SMYD3: variants seen among roughly 807,000 people sequenced by gnomAD.
SMYD3 encodes histone-lysine N-methyltransferase SMYD3.
SMYD3 carries 36 observed loss-of-function variants against 57.7 expected under a neutral mutation model. That is an observed-to-expected ratio of 0.62 (90% CI 0.48 to 0.82). The LOEUF is 0.82. Among genes scored for constraint, SMYD3 ranks in the 40% least tolerant of loss-of-function variants. SMYD3 has a pLI of 0.00. For synonymous variants in SMYD3, 211 were observed against 195.0 expected (o/e 1.08, Z -0.68); for missense variants, 515 against 538.8 (o/e 0.96, Z 0.44).
intron 1 of SMYD3, among the ~76,000 whole-genome samples, chr1:246,400,981 T>G (rs539231268): frequency 2.3e-4 from 35 of 152,300 alleles, no homozygotes; most frequent in Non-Finnish European, 4.9e-4. Flanking sequence ...AATCTGAAGC[T>G]CATAAATCAA....
chr1:246,082,020 C>T (rs948412641), intron 5 of SMYD3, among the ~76,000 whole-genome samples: 4 of 152,216 alleles, frequency 2.6e-5, no homozygotes, highest in Admixed American at 6.5e-5. Context: ...AGGAATCTGG[C>T]GTGACTAACT....
At chr1:246,094,083 C>T (rs1408604885) in intron 5 of SMYD3, among the ~76,000 whole-genome samples, 1 of 152,166 alleles carries the variant, frequency 6.6e-6, no homozygotes, top group Non-Finnish European at 1.5e-5. Context: ...AGGAACACAG[C>T]TGTATTCTCA....
chr1:246,275,624 G>A (rs747612017), intron 5 of SMYD3, among the ~76,000 whole-genome samples: 2 of 139,092 alleles, frequency 1.4e-5, no homozygotes, highest in African/African-American at 2.6e-5. Flanking sequence ...TTCACTAGCC[G>A]TATTAACACT....
At chr1:246,273,716 C>A (rs916609020) in intron 5 of SMYD3, among the ~76,000 whole-genome samples, 1 of 151,040 alleles carries the variant, frequency 6.6e-6, no homozygotes, top group Non-Finnish European at 1.5e-5. Flanking sequence ...TCCTGAGTAG[C>A]TGGAATTACT....
At chr1:246,165,227 G>C (rs2062187251) in intron 5 of SMYD3, among the ~76,000 whole-genome samples, 1 of 152,152 alleles carries the variant, frequency 6.6e-6, no homozygotes, top group Non-Finnish European at 1.5e-5. Context: ...CTACAGCGGA[G>C]GTGACAAGAA....
At chr1:245,963,128 G>C (rs969272146) in intron 5 of SMYD3, among the ~76,000 whole-genome samples, 1 of 152,024 alleles carries the variant, frequency 6.6e-6, no homozygotes, top group Non-Finnish European at 1.5e-5. Context: ...CAAGTAAAAA[G>C]CTAAACAAAC....
chr1:245,833,830 ACT>A (rs2049975570), intron 10 of SMYD3, among the ~76,000 whole-genome samples: 1 of 152,064 alleles, frequency 6.6e-6, no homozygotes, highest in Admixed American at 6.6e-5. Flanking sequence ...AGCCAGACAC[ACT>A]CACTCTCAGG....
At chr1:246,125,081 A>C (rs1453609159) in intron 5 of SMYD3, among the ~76,000 whole-genome samples, 27,306 of 109,030 alleles carry the variant, frequency 0.25, 3,517 homozygotes, top group East Asian at 0.42. Context: ...CAAAAAAAAA[A>C]AAAAAAACAC....
At chr1:246,220,978 C>T (rs982875793) in intron 5 of SMYD3, among the ~76,000 whole-genome samples, 6 of 151,676 alleles carry the variant, frequency 4.0e-5, no homozygotes, top group Non-Finnish European at 2.9e-5. Context: ...CTCCTCTCTG[C>T]TGAGAGAACA....
At chr1:246,321,043 T>C (rs1385088265) in intron 5 of SMYD3, among the ~76,000 whole-genome samples, 1 of 152,210 alleles carries the variant, frequency 6.6e-6, no homozygotes, top group East Asian at 1.9e-4. Context: ...TTGGCAACAG[T>C]ACATGATTTC....
At chr1:246,332,351 G>C (rs1444679069) in intron 3 of SMYD3, among the ~76,000 whole-genome samples, 1 of 152,192 alleles carries the variant, frequency 6.6e-6, no homozygotes, top group Non-Finnish European at 1.5e-5. Flanking sequence ...GATCAAAACA[G>C]CCACAATATT....
At chr1:246,485,278 A>T (rs1273669832) in intron 1 of SMYD3, among the ~76,000 whole-genome samples, 1 of 152,232 alleles carries the variant, frequency 6.6e-6, no homozygotes. Flanking sequence ...CTACTGCACT[A>T]GTTACACCTG....
chr1:245,806,684 G>T (rs995345861), intron 10 of SMYD3, among the ~76,000 whole-genome samples: 9 of 152,002 alleles, frequency 5.9e-5, no homozygotes, highest in Non-Finnish European at 1.0e-4. Context: ...GCCGAGGCGG[G>T]TGGATCATGA....
At chr1:246,373,749 T>G (rs1177539311) in intron 1 of SMYD3, among the ~76,000 whole-genome samples, 2 of 152,230 alleles carry the variant, frequency 1.3e-5, no homozygotes, top group African/African-American at 4.8e-5. Context: ...TTCTTTGACT[T>G]ATATGAACTT....
rs747432461 is a variant in SMYD3 at position 246,355,142 on chromosome 1, T to C, written c.165-48A>G. Reference sequence around the variant, plus strand: ...TGCATTAAGAAATGAGTGGGAAACATAGTACATAGTTGAAGAAAGAAAACA... The same window carrying C: ...TGCATTAAGAAATGAGTGGGAAACACAGTACATAGTTGAAGAAAGAAAACA... On this transcript the variant is annotated intron_variant, in intron 1 of 11. Coordinates refer to ENST00000490107, the MANE Select transcript of SMYD3 (RefSeq NM_001167740.2). The surrounding 1 kb of genome is among the most constrained non-coding windows in gnomAD (Gnocchi z 5.0). 12 of 1,553,098 alleles carry C rather than the reference T, an allele frequency of 7.7e-6. No individual in the cohort carries two copies. The highest frequency in any genetic ancestry group is 1.1e-5 in the South Asian group (1 of 89,860).
chr1:246,436,680 T>A (rs373571433), intron 1 of SMYD3, among the ~76,000 whole-genome samples: 5 of 152,170 alleles, frequency 3.3e-5, no homozygotes, highest in African/African-American at 1.2e-4. Flanking sequence ...AAGGTAAAGA[T>A]GTATTTAGAT....
chr1:246,054,382 T>C (rs746892457), intron 5 of SMYD3, among the ~76,000 whole-genome samples: 1 of 152,204 alleles, frequency 6.6e-6, no homozygotes, highest in Non-Finnish European at 1.5e-5. Flanking sequence ...AAGTTAGATA[T>C]AATACTAACC....
chr1:246,241,230 G>T (rs1198136296), intron 5 of SMYD3, among the ~76,000 whole-genome samples: 2 of 152,164 alleles, frequency 1.3e-5, no homozygotes, highest in African/African-American at 2.4e-5. Context: ...CTGTGGGTTT[G>T]TCATAAACAG....
chr1:245,882,542 G>C (rs1022338620), intron 8 of SMYD3, among the ~76,000 whole-genome samples: 1 of 152,070 alleles, frequency 6.6e-6, no homozygotes, highest in Admixed American at 6.5e-5. Context: ...AGGAAAAAGT[G>C]AATGAAGTTT....
Sources: gnomAD v4.1 joint callset for allele counts (sites outside exome capture counted in the v4.1 genomes callset) on GRCh38, gnomAD v4.1.1 for gene constraint, Gnocchi (gnomAD v3.1) non-coding constraint, MANE v1.5 for transcripts, NCBI Gene and HGNC (gene_info 2026-07-23, HGNC 2026-07-21) for gene names.